The following BAIAP2 variants were observed in gnomAD, a reference collection of about 807,000 sequenced individuals.
The protein encoded by BAIAP2 is BAR/IMD domain-containing adapter protein 2.
Under a neutral mutation model 63.0 loss-of-function variants are expected in BAIAP2, and 18 were observed. That is an observed-to-expected ratio of 0.29 (90% confidence interval 0.20 to 0.42). The LOEUF (loss-of-function observed/expected upper bound fraction) is 0.42. Among genes scored for constraint, BAIAP2 ranks in the 10% least tolerant of loss-of-function variants. The probability of loss-of-function intolerance (pLI) is 1.00; values close to 1 mark genes in which losing one functional copy is unlikely to be tolerated. For missense variants in BAIAP2, 610 were observed against 734.3 expected (o/e 0.83, Z 1.96); for synonymous variants, 386 against 307.6 (o/e 1.25, Z -2.67).
chr17:81,066,933 G>A (rs527920854), intron 3 of BAIAP2, among the ~76,000 whole-genome samples: 129 of 152,350 alleles, frequency 8.5e-4, no homozygotes, highest in African/African-American at 2.8e-3. Flanking sequence ...TCACGGCAGG[G>A]CCTTGCCTTG....
chr17:81,037,621 C>T (rs972735752), intron 1 of BAIAP2, among the ~76,000 whole-genome samples: 6 of 152,254 alleles, frequency 3.9e-5, no homozygotes, highest in African/African-American at 1.4e-4. Context: ...TCTGTCCTCT[C>T]CTGGGACGGT....
intron 6 of BAIAP2, among the ~76,000 whole-genome samples, chr17:81,098,626 TGG>T (rs2058040791): frequency 6.6e-6 from 1 of 151,954 alleles, no homozygotes; most frequent in Non-Finnish European, 1.5e-5. Context: ...TAGCTGGATC[TGG>T]AAGCTCTGTC....
rs535781005 is a variant in BAIAP2 at position 81,088,944 on chromosome 17, C to T, written c.489+2364C>T. Among the ~76,000 whole-genome samples the T allele has an allele frequency of 1.5e-3, 228 of 152,352 alleles. 3 individuals carry two copies. Among genetic ancestry groups the T allele is most frequent in the Admixed American group, 5.2e-3 (79 of 15,310 alleles). Reference sequence around the variant, plus strand: ...TGGAGCCAGAGGCCTGAGGCCCCCACGCAGTCACTGTGGCCCTGCCGCACC... The same window carrying T: ...TGGAGCCAGAGGCCTGAGGCCCCCATGCAGTCACTGTGGCCCTGCCGCACC... On this transcript the variant is annotated intron_variant, in intron 6 of 13. Transcript: ENST00000428708.
At position 81,036,473 on chromosome 17, in the gene BAIAP2, G is replaced by A. The variant is rs146509838; in HGVS notation, c.54+1165G>A. ...GCCAGGGGCCTGGGAAGCCCTCTTA[G>A]CTCTCAGGCTTGGGAGAGCCAGATG... On this transcript the variant is annotated intron_variant, in intron 1 of 13. Transcript: ENST00000428708. 3.8e-3 allele frequency among the ~76,000 whole-genome samples: 586 copies of A among 152,386 alleles called. 2 individuals are homozygous for A. The highest frequency in any genetic ancestry group is 0.013 in the African/African-American group (558 of 41,594).
chr17:81,096,870 G>T (rs531880540), intron 6 of BAIAP2, among the ~76,000 whole-genome samples: 27 of 152,394 alleles, frequency 1.8e-4, no homozygotes, highest in African/African-American at 6.3e-4. Context: ...GGAGCAGGAA[G>T]CCCTGGTAGG....
At chr17:81,068,005 A>G (rs2051825702) in intron 3 of BAIAP2, among the ~76,000 whole-genome samples, 1 of 152,188 alleles carries the variant, frequency 6.6e-6, no homozygotes, top group South Asian at 2.1e-4. Flanking sequence ...CCGCAGGCCG[A>G]GGGGCCTGGG....
chr17:81,046,112 A>G lies in BAIAP2; in HGVS notation c.55-7556A>G, dbSNP rs1352010285. Among the ~76,000 whole-genome samples the G allele has an allele frequency of 6.6e-6, 1 of 152,034 alleles. No homozygotes were observed. Among genetic ancestry groups the G allele is most frequent in the African/African-American group, 2.4e-5 (1 of 41,382 alleles). On this transcript the variant is annotated intron_variant, in intron 1 of 13. Coordinates refer to ENST00000428708, the MANE Select transcript of BAIAP2 (RefSeq NM_001144888.2). This position sits in a 1 kb window ranked among gnomAD's most constrained non-coding sequence, Gnocchi z 4.5. Reference sequence around the variant, plus strand: ...GGGAGGCAGAGCTGCCGGCTCCTGCACGCCCAGCTGCAGGGGGTAAGGAGG... The same window carrying G: ...GGGAGGCAGAGCTGCCGGCTCCTGCGCGCCCAGCTGCAGGGGGTAAGGAGG...
intron 3 of BAIAP2, among the ~76,000 whole-genome samples, chr17:81,078,339 G>T (rs1267238494): frequency 2.2e-4 from 31 of 141,780 alleles, no homozygotes; most frequent in Admixed American, 3.5e-4. Flanking sequence ...GGAGCCGGGC[G>T]CTGTGGGTGC....
chr17:81,094,579 C>T (rs1046363499), intron 6 of BAIAP2, among the ~76,000 whole-genome samples: 6 of 152,154 alleles, frequency 3.9e-5, no homozygotes, highest in African/African-American at 9.7e-5. Context: ...CAGCCCAGCC[C>T]GGGTCTTGCT....
At chr17:81,059,531 A>C (rs2050191009) in intron 3 of BAIAP2, among the ~76,000 whole-genome samples, 1 of 152,178 alleles carries the variant, frequency 6.6e-6, no homozygotes, top group Admixed American at 6.5e-5. Context: ...TGTGGCCTTG[A>C]ACTCATGGGC....
intron 12 of BAIAP2, chr17:81,107,264 G>C: frequency 4.2e-6 from 1 of 239,316 alleles, no homozygotes; most frequent in Non-Finnish European, 8.1e-6. Context: ...CCTTTTGGGA[G>C]AGCCAGGGGG....
chr17:81,086,305 G>A lies in BAIAP2; in HGVS notation c.352-138G>A, dbSNP rs1449205396. The A allele has an allele frequency of 6.5e-6, 7 of 1,078,720 alleles. No homozygotes were observed. The African/African-American group carries it at 9.5e-5, about 15-fold the overall frequency. The allele number at this position is 1,078,720 out of a possible 1,614,324, so 66.8% of individuals were successfully genotyped here. On this transcript the variant is annotated intron_variant, in intron 5 of 13. Coordinates refer to ENST00000428708, the MANE Select transcript of BAIAP2 (RefSeq NM_001144888.2). Reference sequence around the variant, plus strand: ...GCAGCTGAGCATGCACGGCCAGAGAGCGAGCCAGGAAGGGAGTGGCAGGGC... The same window carrying A: ...GCAGCTGAGCATGCACGGCCAGAGAACGAGCCAGGAAGGGAGTGGCAGGGC...
chr17:81,073,695 T>C (rs1420120834), intron 3 of BAIAP2, among the ~76,000 whole-genome samples: 2 of 151,790 alleles, frequency 1.3e-5, no homozygotes, highest in South Asian at 2.1e-4. Context: ...AGATTCACGC[T>C]CTCTCTCAGG....
At chr17:81,070,587 CT>C (rs1229427420) in intron 3 of BAIAP2, among the ~76,000 whole-genome samples, 1 of 152,218 alleles carries the variant, frequency 6.6e-6, no homozygotes, top group African/African-American at 2.4e-5. Flanking sequence ...GGAGAAGGCC[CT>C]GGCGTGCCTG....
chr17:81,035,412 G>C, intron 1 of BAIAP2, 104 bp downstream of exon 1: 1 of 606,310 alleles, frequency 1.6e-6, no homozygotes. Flanking sequence ...GCCGCGCGCC[G>C]GGCCAGGAGG....
In BAIAP2 at chr17:81,085,646, A is replaced by G. The variant is rs780833954; in HGVS notation, c.280-8A>G. The G allele has an allele frequency of 3.1e-6, 5 of 1,612,764 alleles. 1 individual carries two copies. The highest frequency in any genetic ancestry group is 1.6e-4 in the Middle Eastern group (1 of 6,082). On this transcript the variant is annotated splice_region_variant and splice_polypyrimidine_tract_variant and intron_variant, in intron 4 of 13. Coordinates refer to ENST00000428708, the MANE Select transcript of BAIAP2 (RefSeq NM_001144888.2). ...CTGACGGCTGATGTGTTTTCTCTCC[A>G]TGTCCAGCTGAAGTCTTTTCACAAC...
intron 3 of BAIAP2, among the ~76,000 whole-genome samples, chr17:81,077,705 T>C (rs2053891340): frequency 6.6e-6 from 1 of 152,206 alleles, no homozygotes; most frequent in African/African-American, 2.4e-5. Context: ...TGCGGGTGGC[T>C]GTGGGAGCGG....
intron 3 of BAIAP2, among the ~76,000 whole-genome samples, chr17:81,075,016 T>G (rs112509980): frequency 6.6e-6 from 1 of 152,258 alleles, no homozygotes; most frequent in Non-Finnish European, 1.5e-5. Context: ...GGCAAAGCCA[T>G]GACTGACAGT....
chr17:81,085,034 C>T, intron 4 of BAIAP2, 141 bp downstream of exon 4: 1 of 792,848 alleles, frequency 1.3e-6, no homozygotes, highest in Non-Finnish European at 2.1e-6. Flanking sequence ...CCTGGCTCAG[C>T]ACACAAGCCA....
Sources: gnomAD v4.1 joint callset for allele counts (sites outside exome capture counted in the v4.1 genomes callset) on GRCh38, gnomAD v4.1.1 for gene constraint, Gnocchi (gnomAD v3.1) non-coding constraint, MANE v1.5 for transcripts, NCBI Gene and HGNC (gene_info 2026-07-23, HGNC 2026-07-21) for gene names.